Variants in CCSER1 observed in about 807,000 individuals in gnomAD.
The protein encoded by CCSER1 is coiled-coil serine rich protein 1, also known as serine-rich coiled-coil domain-containing protein 1.
A neutral mutation model predicts 82.0 loss-of-function variants in CCSER1; 41 were observed. That is an observed-to-expected ratio of 0.50 (90% CI 0.39 to 0.65). The LOEUF (loss-of-function observed/expected upper bound fraction) is 0.65, where lower values mean the gene tolerates loss of function less well. Among genes scored for constraint, CCSER1 ranks in the 30% least tolerant of loss-of-function variants. CCSER1 has a pLI of 0.00. For missense variants in CCSER1, 1,119 were observed against 1,064.2 expected (o/e 1.05, Z -0.72); for synonymous variants, 414 against 383.9 (o/e 1.08, Z -0.92).
intron 10 of CCSER1, among the ~76,000 whole-genome samples, chr4:91,141,463 T>G (rs1158878607): frequency 6.6e-6 from 1 of 152,164 alleles, no homozygotes; most frequent in African/African-American, 2.4e-5. Flanking sequence ...AATTTCATTC[T>G]TTTTTTATGA....
rs540282755 is a variant in CCSER1, at chr4:90,752,090, G to A, written c.2010+28099G>A. Among the ~76,000 whole-genome samples the A allele has an allele frequency of 6.6e-5, 10 of 152,116 alleles. No individual in the cohort carries two copies. In the South Asian group the frequency reaches 1.7e-3, roughly 25 times the overall value. ...TTAATTTATTGAGCACTTCCAATGC[G>A]CTAGACACATTTTAATTTGTTTTAC... is the stretch of plus-strand genomic sequence containing the variant. On this transcript the variant is annotated intron_variant, in intron 7 of 10. Transcript: ENST00000509176.
At chr4:91,105,439 C>T (rs1725516784) in intron 10 of CCSER1, among the ~76,000 whole-genome samples, 2 of 151,786 alleles carry the variant, frequency 1.3e-5, no homozygotes, top group Non-Finnish European at 2.9e-5. Context: ...GGCACAGTGG[C>T]TCATGCCTGT....
intron 8 of CCSER1, among the ~76,000 whole-genome samples, chr4:90,892,464 A>C (rs1370455685): frequency 6.6e-6 from 1 of 152,030 alleles, no homozygotes; most frequent in Non-Finnish European, 1.5e-5. Context: ...ATTTATATTT[A>C]TTAGGTATAT....
chr4:91,564,826 T>C (rs185143752), intron 10 of CCSER1, among the ~76,000 whole-genome samples: 2 of 152,140 alleles, frequency 1.3e-5, no homozygotes, highest in East Asian at 3.9e-4. Context: ...TCCCATTCTG[T>C]TGTCTGTTTA....
chr4:90,330,923 C>G (rs1739166298), intron 3 of CCSER1, among the ~76,000 whole-genome samples: 1 of 152,016 alleles, frequency 6.6e-6, no homozygotes, highest in African/African-American at 2.4e-5. Flanking sequence ...TCATGATTCT[C>G]TGCTTGTTAT....
At chr4:91,125,370 T>C (rs1727424044) in intron 10 of CCSER1, among the ~76,000 whole-genome samples, 1 of 151,762 alleles carries the variant, frequency 6.6e-6, no homozygotes, top group Admixed American at 6.6e-5. Context: ...AAGATTTTTA[T>C]AAACATTACA....
intron 10 of CCSER1, among the ~76,000 whole-genome samples, chr4:91,116,258 T>C (rs939356234): frequency 1.3e-5 from 2 of 152,036 alleles, no homozygotes; most frequent in Non-Finnish European, 2.9e-5. Flanking sequence ...AAATGACGAG[T>C]TCATGTCCTT....
intron 1 of CCSER1, among the ~76,000 whole-genome samples, chr4:90,163,292 A>G (rs1418773654): frequency 5.9e-5 from 9 of 151,936 alleles, no homozygotes; most frequent in Admixed American, 5.9e-4. Flanking sequence ...TAATACCTAT[A>G]TTGGCAGTGG....
chr4:90,347,343 A>G (rs184263613), intron 3 of CCSER1, among the ~76,000 whole-genome samples: 1 of 151,944 alleles, frequency 6.6e-6, no homozygotes, highest in Non-Finnish European at 1.5e-5. Context: ...CTATCTATCT[A>G]TCTATCTATA....
chr4:90,407,109 C>A (rs985771178), intron 4 of CCSER1, among the ~76,000 whole-genome samples: 2 of 152,008 alleles, frequency 1.3e-5, no homozygotes. Flanking sequence ...AATTGATAGA[C>A]CATTAGCGAG....
At chr4:90,150,821 A>C (rs966934647) in intron 1 of CCSER1, among the ~76,000 whole-genome samples, 2 of 152,272 alleles carry the variant, frequency 1.3e-5, no homozygotes, top group Admixed American at 1.3e-4. Context: ...TTTAATAATC[A>C]GTTTGTGTAT....
At chr4:91,155,724 C>A (rs915763376) in intron 10 of CCSER1, among the ~76,000 whole-genome samples, 3 of 151,726 alleles carry the variant, frequency 2.0e-5, no homozygotes, top group African/African-American at 4.8e-5. Flanking sequence ...TAATCTCTTG[C>A]AGAAACTATC....
At chr4:90,927,174 C>T (rs1405358212) in intron 9 of CCSER1, among the ~76,000 whole-genome samples, 3 of 151,946 alleles carry the variant, frequency 2.0e-5, no homozygotes, top group African/African-American at 7.2e-5. Flanking sequence ...GAAAATGTGA[C>T]AGGTTGATTG....
chr4:90,552,504 C>A (rs1017853101), intron 5 of CCSER1, among the ~76,000 whole-genome samples: 12 of 152,140 alleles, frequency 7.9e-5, no homozygotes, highest in Non-Finnish European at 1.8e-4. Context: ...TTTACCCAGG[C>A]TGGAGTGCAG....
intron 10 of CCSER1, among the ~76,000 whole-genome samples, chr4:91,270,606 T>C (rs1366027121): frequency 6.6e-6 from 1 of 152,182 alleles, no homozygotes; most frequent in Non-Finnish European, 1.5e-5. Flanking sequence ...AAGCAGTCTC[T>C]AATTGGCTCA....
At chr4:90,660,166 C>T (rs1229068678) in intron 6 of CCSER1, among the ~76,000 whole-genome samples, 1 of 151,956 alleles carries the variant, frequency 6.6e-6, no homozygotes, top group Non-Finnish European at 1.5e-5. Context: ...TTGATCTAAC[C>T]ATTTCACACT....
chr4:90,707,123 A>T (rs1739495027), intron 6 of CCSER1, among the ~76,000 whole-genome samples: 3 of 152,108 alleles, frequency 2.0e-5, no homozygotes, highest in Admixed American at 2.0e-4. Flanking sequence ...ACTCTTGTCT[A>T]TTCTTTGAAG....
At chr4:91,523,476 A>G (rs551567893) in intron 10 of CCSER1, among the ~76,000 whole-genome samples, 9 of 152,292 alleles carry the variant, frequency 5.9e-5, no homozygotes, top group Admixed American at 5.9e-4. Flanking sequence ...TACCTCTGGT[A>G]GAATTCGGCT....
chr4:91,127,096 A>G (rs1370300794), intron 10 of CCSER1, among the ~76,000 whole-genome samples: 1 of 152,048 alleles, frequency 6.6e-6, no homozygotes. Flanking sequence ...AAACAGAACT[A>G]TGTATCATCG....
Sources: gnomAD v4.1 joint callset for allele counts (sites outside exome capture counted in the v4.1 genomes callset) on GRCh38, gnomAD v4.1.1 for gene constraint, MANE v1.5 for transcripts, NCBI Gene and HGNC (gene_info 2026-07-23, HGNC 2026-07-21) for gene names.